WDR72: variants seen among roughly 807,000 people sequenced by gnomAD.
WDR72 encodes the protein WD repeat-containing protein 72.
In WDR72, 120 loss-of-function variants were observed where a neutral mutation model predicts 124.2. The ratio of observed to expected loss-of-function variants is 0.97; its 90% CI spans 0.83 to 1.12. The LOEUF is 1.12. WDR72 is among the 50% of genes most tolerant of loss of function. WDR72 has a pLI of 0.00. For synonymous variants in WDR72, 452 were observed against 441.7 expected, an observed-to-expected ratio of 1.02 and a Z score of -0.29; for missense variants, 1,387 against 1,278.8, an observed-to-expected ratio of 1.08 and a Z score of -1.29.
intron 14 of WDR72, among the ~76,000 whole-genome samples, chr15:53,642,650 C>A (rs1282623464): frequency 1.3e-5 from 2 of 152,006 alleles, no homozygotes; most frequent in Non-Finnish European, 2.9e-5. Flanking sequence ...ACTGATACTG[C>A]TATACAGTAT....
intron 1 of WDR72, among the ~76,000 whole-genome samples, chr15:53,757,154 G>C (rs1310920161): frequency 6.6e-6 from 1 of 152,066 alleles, no homozygotes; most frequent in African/African-American, 2.4e-5. Flanking sequence ...AGCTGACCTG[G>C]GCCTAGACCT....
intron 18 of WDR72, among the ~76,000 whole-genome samples, chr15:53,588,092 T>G (rs2012313174): frequency 6.6e-6 from 1 of 152,052 alleles, no homozygotes; most frequent in South Asian, 2.1e-4. Context: ...ATCCTTATAA[T>G]CACCATTTCC....
At chr15:53,624,755 A>G (rs2014138940) in intron 14 of WDR72, among the ~76,000 whole-genome samples, 1 of 152,232 alleles carries the variant, frequency 6.6e-6, no homozygotes, top group Admixed American at 6.5e-5. Flanking sequence ...GTTTTAATGT[A>G]TTAAAATTAT....
chr15:53,518,127 T>C (rs184417115), intron 19 of WDR72, among the ~76,000 whole-genome samples: 108 of 152,164 alleles, frequency 7.1e-4, no homozygotes, highest in African/African-American at 2.5e-3. Flanking sequence ...AACAGCTTAA[T>C]TGTTCTTAGA....
At chr15:53,519,063 A>T (rs1235477669) in intron 19 of WDR72, among the ~76,000 whole-genome samples, 2 of 150,544 alleles carry the variant, frequency 1.3e-5, no homozygotes, top group Non-Finnish European at 2.9e-5. Context: ...TTTGGAGTGC[A>T]CTGTTTCTAG....
chr15:53,754,523 G>A (rs1168593467), intron 1 of WDR72, among the ~76,000 whole-genome samples: 4 of 151,984 alleles, frequency 2.6e-5, no homozygotes, highest in East Asian at 1.9e-4. Context: ...GATTTCTACT[G>A]ACCAAAGAAG....
At chr15:53,691,368 T>C (rs916709335) in intron 13 of WDR72, among the ~76,000 whole-genome samples, 7 of 152,164 alleles carry the variant, frequency 4.6e-5, no homozygotes, top group Non-Finnish European at 7.3e-5. Context: ...CTCTGCAGAA[T>C]TGAGTGGCTC....
chr15:53,569,916 G>T (rs1280255999), intron 18 of WDR72, among the ~76,000 whole-genome samples: 1 of 152,022 alleles, frequency 6.6e-6, no homozygotes, highest in African/African-American at 2.4e-5. Flanking sequence ...GGCCTTTGTG[G>T]TCTTCAGTGA....
chr15:53,753,493 A>G (rs1328880092), intron 1 of WDR72, among the ~76,000 whole-genome samples: 1 of 152,212 alleles, frequency 6.6e-6, no homozygotes, highest in Non-Finnish European at 1.5e-5. Context: ...GGTGGTTTGG[A>G]AAAAGTGGTA....
chr15:53,542,877 A>G (rs1430365746), intron 18 of WDR72, among the ~76,000 whole-genome samples: 3 of 135,638 alleles, frequency 2.2e-5, no homozygotes, highest in Non-Finnish European at 4.8e-5. Flanking sequence ...TAAACCAACA[A>G]AGATCAAAAG....
rs758370338 is a variant in WDR72 at position 53,702,259 on chromosome 15, T to C, written c.1444A>G (p.Met482Val). The C allele has an allele frequency of 6.2e-7, 1 of 1,614,144 alleles. No homozygotes were observed. The highest frequency in any genetic ancestry group is 1.1e-5 in the South Asian group (1 of 91,080). ...CATGAGTCCAGGTCCCCAGACAACA[T>C]CCAACTTTGGTCTAATTTCGAAGAG... is the stretch of plus-strand genomic sequence containing the variant. ...GLSSKLDQSW[M>V]LSGDLDSCVI... The change falls in exon 12 of 20, where the codon ATG becomes GTG. Residue 482 changes from methionine (M) to valine (V), a missense_variant. Physicochemically the swap from Met to Val is conservative, Grantham distance 21 (BLOSUM62 1). Coordinates refer to ENST00000360509, the MANE Select transcript of WDR72 (RefSeq NM_182758.4).
intron 13 of WDR72, among the ~76,000 whole-genome samples, chr15:53,681,785 G>A (rs2016394967): frequency 6.6e-6 from 1 of 151,704 alleles, no homozygotes; most frequent in African/African-American, 2.4e-5. Flanking sequence ...TATATATTAA[G>A]ATGCCAGGAG....
chr15:53,659,385 C>T (rs925262162), intron 14 of WDR72, among the ~76,000 whole-genome samples: 2 of 152,162 alleles, frequency 1.3e-5, no homozygotes, highest in Non-Finnish European at 2.9e-5. Flanking sequence ...TTAAGCTAGC[C>T]TAGCACCATG....
At chr15:53,536,976 AC>A (rs577072618) in intron 18 of WDR72, among the ~76,000 whole-genome samples, 152 of 152,310 alleles carry the variant, frequency 1.0e-3, no homozygotes, top group African/African-American at 3.5e-3. Context: ...ATCCAATTAA[AC>A]AGAGGTAAAT....
intron 18 of WDR72, among the ~76,000 whole-genome samples, chr15:53,548,831 A>C (rs1325964250): frequency 1.3e-5 from 2 of 152,184 alleles, no homozygotes; most frequent in African/African-American, 4.8e-5. Context: ...ACATGTTTAG[A>C]ATTCAGAGTC....
At chr15:53,693,535 A>G (rs2016908937) in intron 13 of WDR72, among the ~76,000 whole-genome samples, 1 of 152,178 alleles carries the variant, frequency 6.6e-6, no homozygotes, top group African/African-American at 2.4e-5. Flanking sequence ...TTATATTTTT[A>G]TCTTTTCCTT....
At chr15:53,761,896 A>G (rs181418798), upstream of WDR72, among the ~76,000 whole-genome samples, 1 of 152,190 alleles carries the variant, frequency 6.6e-6, no homozygotes, top group African/African-American at 2.4e-5. Context: ...AAAGCCATTA[A>G]AAGTATCAAG....
chr15:53,615,902 C>T lies in WDR72; in HGVS notation c.2304G>A (p.Arg768=). The part of the protein sequence containing the change: ...KFSEENDGIK[R]QKKMKISKKM... ...TTTTGGAGATCTTCATTTTCTTCTGCCTTTTAATGCCATCATTTTCTTCTG... is the reference window on the plus strand; with the variant it reads ...TTTTGGAGATCTTCATTTTCTTCTGTCTTTTAATGCCATCATTTTCTTCTG... The change falls in exon 15 of 20, where the codon AGG becomes AGA. Residue 768 remains arginine, a synonymous_variant. Transcript: ENST00000360509. 6.2e-7 allele frequency: 1 copy of T among 1,613,454 alleles called. No homozygotes were observed. Among genetic ancestry groups the T allele is most frequent in the Non-Finnish European group, 8.5e-7 (1 of 1,179,666 alleles).
At chr15:53,637,033 T>A (rs1386188165) in intron 14 of WDR72, among the ~76,000 whole-genome samples, 2 of 152,312 alleles carry the variant, frequency 1.3e-5, no homozygotes, top group East Asian at 3.9e-4. Flanking sequence ...ACTCCCACCA[T>A]TAACCTACTT....
Sources: gnomAD v4.1 joint callset for allele counts (sites outside exome capture counted in the v4.1 genomes callset) on GRCh38, gnomAD v4.1.1 for gene constraint, MANE v1.5 for transcripts, NCBI Gene and HGNC (gene_info 2026-07-23, HGNC 2026-07-21) for gene names.